BMPER: variants seen among roughly 807,000 people sequenced by gnomAD.
BMPER encodes the protein BMP binding endothelial regulator, also known as BMP-binding endothelial regulator protein.
BMPER carries 45 observed loss-of-function variants against 87.3 expected under a neutral mutation model. The ratio of observed to expected loss-of-function variants is 0.52; its 90% CI spans 0.41 to 0.66. The LOEUF (loss-of-function observed/expected upper bound fraction) is 0.66. BMPER is among the 30% of genes least tolerant of loss of function. The pLI is 0.00. For synonymous variants in BMPER, 326 were observed against 316.2 expected (o/e 1.03, Z -0.33); for missense variants, 784 against 867.5 (o/e 0.90, Z 1.21).
chr7:33,926,923 C>A (rs570460654), intron 2 of BMPER, among the ~76,000 whole-genome samples: 12 of 152,336 alleles, frequency 7.9e-5, no homozygotes, highest in African/African-American at 2.6e-4. Flanking sequence ...ATCTTTCCAG[C>A]AACTGAGATG....
intron 13 of BMPER, among the ~76,000 whole-genome samples, chr7:34,123,396 A>G (rs907645371): frequency 5.9e-5 from 9 of 152,152 alleles, no homozygotes; most frequent in East Asian, 1.9e-4. Flanking sequence ...GATGAGGTCA[A>G]CTCCTGGGGT....
chr7:33,905,153 T>G, upstream of BMPER: 3 of 215,646 alleles, frequency 1.4e-5, no homozygotes, highest in East Asian at 1.3e-4. Context: ...AGGTGAGGAG[T>G]GCGGGAGTGG....
At chr7:34,058,722 A>C (rs1788350191) in intron 10 of BMPER, among the ~76,000 whole-genome samples, 2 of 152,250 alleles carry the variant, frequency 1.3e-5, no homozygotes. Context: ...CAGCACACTG[A>C]ATAAAGCAAC....
chr7:34,152,233 G>C (rs912554516), intron 14 of BMPER, among the ~76,000 whole-genome samples: 1 of 152,108 alleles, frequency 6.6e-6, no homozygotes, highest in Non-Finnish European at 1.5e-5. Flanking sequence ...ATTGTTATTG[G>C]TGTTCTTGGA....
chr7:33,927,832 C>T (rs1784395779), intron 2 of BMPER, among the ~76,000 whole-genome samples: 1 of 152,180 alleles, frequency 6.6e-6, no homozygotes, highest in Non-Finnish European at 1.5e-5. Context: ...TCATCATCTT[C>T]TACTTAGTTC....
intron 6 of BMPER, among the ~76,000 whole-genome samples, chr7:34,027,803 C>T: frequency 6.6e-6 from 1 of 152,032 alleles, no homozygotes. Flanking sequence ...TTTTATCTCT[C>T]TTTGTGAGCT....
At chr7:34,145,082 G>C (rs1387006078) in intron 14 of BMPER, among the ~76,000 whole-genome samples, 1 of 152,196 alleles carries the variant, frequency 6.6e-6, no homozygotes, top group African/African-American at 2.4e-5. Flanking sequence ...ACCTAAGCCT[G>C]TGCCCTATGC....
chr7:34,080,657 T>C (rs1320185789), intron 12 of BMPER, among the ~76,000 whole-genome samples: 1 of 152,192 alleles, frequency 6.6e-6, no homozygotes, highest in Non-Finnish European at 1.5e-5. Context: ...AAAATGTGCG[T>C]AAGATGACCC....
chr7:34,137,959 C>G (rs1442017025), intron 13 of BMPER, among the ~76,000 whole-genome samples: 1 of 152,120 alleles, frequency 6.6e-6, no homozygotes, highest in Non-Finnish European at 1.5e-5. Context: ...GAAATGGATT[C>G]CCTGGCGCTA....
chr7:34,113,743 C>A (rs1790042430), intron 13 of BMPER, among the ~76,000 whole-genome samples: 1 of 152,002 alleles, frequency 6.6e-6, no homozygotes. Context: ...TTAAAGTGTC[C>A]CATAGTTATC....
At chr7:33,966,784 T>C (rs1395813524) in intron 4 of BMPER, among the ~76,000 whole-genome samples, 1 of 152,130 alleles carries the variant, frequency 6.6e-6, no homozygotes, top group Admixed American at 6.5e-5. Flanking sequence ...CACAGTGGAA[T>C]TGTCCACCAT....
At chr7:34,086,153 G>T in intron 13 of BMPER, 61 bp downstream of exon 13, 1 of 1,549,118 alleles carries the variant, frequency 6.5e-7, no homozygotes, top group South Asian at 1.1e-5. Flanking sequence ...CTTGACCTTG[G>T]AACATGGTGT....
intron 10 of BMPER, 37 bp from the exon 11 acceptor site, chr7:34,061,965 T>TTAA: frequency 2.0e-6 from 3 of 1,519,752 alleles, no homozygotes; most frequent in African/African-American, 1.4e-5. Context: ...TTTTTTTTTT[T>TTAA]AAACAGTAAC....
At position 33,974,901 on chromosome 7, in the gene BMPER, C is replaced by T. The variant is rs532756001; in HGVS notation, c.576+117C>T. On this transcript the variant is annotated intron_variant, in intron 6 of 14. Transcript: ENST00000649409. Reference sequence around the variant, plus strand: ...CTCGTCTCCTCTCTGGGTAAAAGTCCGTCCCTCCTGATGTGGAGCCGAGGG... The same window carrying T: ...CTCGTCTCCTCTCTGGGTAAAAGTCTGTCCCTCCTGATGTGGAGCCGAGGG... 2.2e-5 allele frequency: 23 copies of T among 1,028,714 alleles called. No individual in the cohort carries two copies. The South Asian group carries it at 2.3e-4, about 10-fold the overall frequency. The allele number at this position is 1,028,714 out of a possible 1,614,324, so 63.7% of individuals were successfully genotyped here.
intron 3 of BMPER, among the ~76,000 whole-genome samples, chr7:33,941,050 AT>A (rs1290504019): frequency 7.4e-6 from 1 of 134,562 alleles, no homozygotes; most frequent in African/African-American, 2.8e-5. Flanking sequence ...TATATAATTT[AT>A]ATGTAATATA....
intron 6 of BMPER, among the ~76,000 whole-genome samples, chr7:33,982,105 T>C (rs1413069484): frequency 6.6e-6 from 1 of 152,182 alleles, no homozygotes; most frequent in East Asian, 1.9e-4. Context: ...TTCTCTGCAA[T>C]AGGAAGGAAA....
At chr7:34,146,661 G>A (rs572861236) in intron 14 of BMPER, among the ~76,000 whole-genome samples, 1 of 152,066 alleles carries the variant, frequency 6.6e-6, no homozygotes, top group African/African-American at 2.4e-5. Flanking sequence ...GGGTCATTGA[G>A]ACTTAAAATA....
chr7:34,151,804 G>A (rs1352072584), intron 14 of BMPER, among the ~76,000 whole-genome samples: 1 of 152,196 alleles, frequency 6.6e-6, no homozygotes, highest in African/African-American at 2.4e-5. Context: ...ATAGAGTCAA[G>A]TAGTTTAAAG....
intron 6 of BMPER, chr7:34,042,659 A>C (rs1787861704): frequency 6.6e-6 from 1 of 152,216 alleles, no homozygotes; most frequent in Non-Finnish European, 1.5e-5. Context: ...CTGTAGTTAA[A>C]GTGGTCTGAA....
Sources: allele counts gnomAD v4.1 joint callset (sites outside exome capture counted in the v4.1 genomes callset), GRCh38; gene constraint gnomAD v4.1.1; transcripts MANE v1.5; gene names NCBI Gene and HGNC (gene_info 2026-07-23, HGNC 2026-07-21).